The following EXOC4 variants were observed in gnomAD, a reference collection of about 807,000 sequenced individuals.
EXOC4 encodes the protein exocyst complex component 4.
Under a neutral mutation model 107.2 loss-of-function variants are expected in EXOC4, and 71 were observed. The observed-to-expected ratio is 0.66, with a 90% confidence interval of 0.55 to 0.81. EXOC4 has a LOEUF of 0.81. Among genes scored for constraint, EXOC4 ranks in the 30% least tolerant of loss-of-function variants. The pLI is 0.00. For synonymous variants in EXOC4, 456 were observed against 441.2 expected, an observed-to-expected ratio of 1.03 and a Z score of -0.42; for missense variants, 1,108 against 1,189.6, an observed-to-expected ratio of 0.93 and a Z score of 1.01.
intron 10 of EXOC4, among the ~76,000 whole-genome samples, chr7:133,638,377 A>G (rs1455150122): frequency 6.6e-6 from 1 of 152,170 alleles, no homozygotes; most frequent in East Asian, 1.9e-4. Flanking sequence ...AAGCCTTCCT[A>G]ATATACTGTG....
chr7:133,573,365 A>G (rs1236656661), intron 9 of EXOC4, among the ~76,000 whole-genome samples: 3 of 152,180 alleles, frequency 2.0e-5, no homozygotes, highest in Non-Finnish European at 4.4e-5. Flanking sequence ...CCATGATGCT[A>G]CTTAGAAGAA....
At chr7:133,372,839 C>T (rs1421778195) in intron 6 of EXOC4, among the ~76,000 whole-genome samples, 2 of 152,142 alleles carry the variant, frequency 1.3e-5, no homozygotes, top group East Asian at 1.9e-4. Flanking sequence ...CCTTAACATA[C>T]ATTAAGTTTT....
chr7:134,034,983 CAG>C (rs1233621964), intron 17 of EXOC4, among the ~76,000 whole-genome samples: 4 of 151,024 alleles, frequency 2.6e-5, no homozygotes, highest in African/African-American at 9.7e-5. Context: ...AGGTGAGAGA[CAG>C]AAATATGGTT....
At chr7:133,470,858 C>T (rs2150841250) in intron 7 of EXOC4, among the ~76,000 whole-genome samples, 1 of 152,240 alleles carries the variant, frequency 6.6e-6, no homozygotes, top group South Asian at 2.1e-4. Flanking sequence ...TGATTTTCTT[C>T]ACGCAAATGT....
At chr7:133,337,599 T>A (rs1795547444) in intron 5 of EXOC4, among the ~76,000 whole-genome samples, 1 of 151,636 alleles carries the variant, frequency 6.6e-6, no homozygotes, top group Non-Finnish European at 1.5e-5. Context: ...TGTATTTCCT[T>A]TTTGTCATTT....
intron 9 of EXOC4, among the ~76,000 whole-genome samples, chr7:133,551,941 C>T (rs764772760): frequency 1.3e-5 from 2 of 151,956 alleles, no homozygotes; most frequent in Non-Finnish European, 2.9e-5. Context: ...ATTTCTGACT[C>T]GTGGAGAGGG....
At chr7:134,020,122 A>T (rs1218336457) in intron 17 of EXOC4, among the ~76,000 whole-genome samples, 1 of 152,210 alleles carries the variant, frequency 6.6e-6, no homozygotes, top group East Asian at 1.9e-4. Flanking sequence ...ATCCAAATGC[A>T]TACACCTGTG....
At chr7:133,629,414 A>T (rs1018249179) in intron 9 of EXOC4, among the ~76,000 whole-genome samples, 2 of 152,176 alleles carry the variant, frequency 1.3e-5, no homozygotes, top group African/African-American at 4.8e-5. Context: ...GTCATTAGAG[A>T]CCAAAATTTT....
At chr7:133,337,172 TTTTA>T (rs1415278556) in intron 5 of EXOC4, among the ~76,000 whole-genome samples, 1 of 152,066 alleles carries the variant, frequency 6.6e-6, no homozygotes, top group Non-Finnish European at 1.5e-5. Context: ...TTTGTTAATA[TTTTA>T]TTTAGTATTT....
chr7:133,332,716 A>G (rs769846947), intron 5 of EXOC4, among the ~76,000 whole-genome samples: 20 of 152,206 alleles, frequency 1.3e-4, no homozygotes, highest in Non-Finnish European at 2.9e-4. Context: ...AAGATTCAAC[A>G]GTTATTTGCC....
intron 13 of EXOC4, among the ~76,000 whole-genome samples, chr7:133,925,215 T>A (rs1320125512): frequency 1.3e-5 from 2 of 152,020 alleles, no homozygotes; most frequent in African/African-American, 2.4e-5. Context: ...GTTCCCTTCA[T>A]TACTAAATGA....
In EXOC4 at chr7:133,883,762, G is replaced by A. The variant is rs186866675; in HGVS notation, c.1735-11837G>A. On this transcript the variant is annotated intron_variant, in intron 11 of 17. Transcript: ENST00000253861. ...AGAATTTTCAAAAAGATTACTCTGC[G>A]TTCAGGGTGGAGGCTGATTTGGAAG... Among the ~76,000 whole-genome samples, 7 of 152,298 alleles carry A rather than the reference G, an allele frequency of 4.6e-5. No homozygotes were observed. In the East Asian group the frequency reaches 1.2e-3, roughly 25 times the overall value.
the EXOC4 span, among the ~76,000 whole-genome samples, chr7:134,083,407 T>C: frequency 6.6e-6 from 1 of 152,204 alleles, no homozygotes. Flanking sequence ...AACAAACTAA[T>C]CCAAGACTTA....
At chr7:133,574,032 A>C (rs1327421277) in intron 9 of EXOC4, among the ~76,000 whole-genome samples, 1 of 152,230 alleles carries the variant, frequency 6.6e-6, no homozygotes, top group Non-Finnish European at 1.5e-5. Flanking sequence ...GTATTCTCAC[A>C]GTGCTTCTTA....
intron 10 of EXOC4, among the ~76,000 whole-genome samples, chr7:133,675,014 T>C (rs1794024994): frequency 6.6e-6 from 1 of 152,244 alleles, no homozygotes; most frequent in Non-Finnish European, 1.5e-5. Flanking sequence ...TAGAAGGTGA[T>C]ACAAAGTCTA....
At chr7:134,055,081 G>A (rs954298343) in intron 17 of EXOC4, among the ~76,000 whole-genome samples, 1 of 152,166 alleles carries the variant, frequency 6.6e-6, no homozygotes, top group African/African-American at 2.4e-5. Context: ...ATTTACATAT[G>A]TTTACGCTTC....
intron 17 of EXOC4, among the ~76,000 whole-genome samples, chr7:134,061,095 A>G (rs972328816): frequency 6.6e-6 from 1 of 152,192 alleles, no homozygotes; most frequent in Non-Finnish European, 1.5e-5. Context: ...GGAAGATCCA[A>G]GAGTAGAAAT....
chr7:133,952,331 T>G (rs1316038064), intron 14 of EXOC4, among the ~76,000 whole-genome samples: 4 of 152,070 alleles, frequency 2.6e-5, no homozygotes, highest in African/African-American at 9.7e-5. Flanking sequence ...TAGCTGTAGT[T>G]AAGATCTACC....
chr7:133,521,686 C>G (rs1799982146), intron 9 of EXOC4, among the ~76,000 whole-genome samples: 1 of 151,868 alleles, frequency 6.6e-6, no homozygotes. Flanking sequence ...GTGGTGCAGT[C>G]TTGGCTCACT....
Sources: allele counts gnomAD v4.1 joint callset (sites outside exome capture counted in the v4.1 genomes callset), GRCh38; gene constraint gnomAD v4.1.1; transcripts MANE v1.5; gene names NCBI Gene and HGNC (gene_info 2026-07-23, HGNC 2026-07-21).